Variants in SCUBE1 observed in about 807,000 individuals in gnomAD.
SCUBE1 encodes signal peptide, CUB domain and EGF like domain containing 1.
A neutral mutation model predicts 124.4 loss-of-function variants in SCUBE1; 59 were observed. The observed-to-expected ratio is 0.47, with a 90% CI of 0.38 to 0.59. SCUBE1 has a LOEUF of 0.59. Ranked by LOEUF, SCUBE1 falls within the 20% of genes least tolerant of loss-of-function variation. SCUBE1 has a pLI of 0.00. For missense variants in SCUBE1, 1,150 were observed against 1,371.2 expected, an observed-to-expected ratio of 0.84 and a Z score of 2.55; for synonymous variants, 545 against 550.9, an observed-to-expected ratio of 0.99 and a Z score of 0.15.
At position 43,208,165 on chromosome 22, in the gene SCUBE1, AG is replaced by A; in HGVS notation, c.2640del (p.Phe881SerfsTer38). ...ETCQTYERPIAFTSRSRKLWI... is the reference protein window; with the variant it reads ...ETCQTYERPIXFTSRSRKLWI... ...CAGAGCTTGCGGGAGCGGGAGGTGA[AG>A]GCGATGGGCCTCTCGTAGGTCTGGC... is the stretch of plus-strand genomic sequence containing the variant. On this transcript the variant is annotated frameshift_variant, in exon 20 of 22. Transcript: ENST00000360835. LOFTEE classifies it high-confidence loss of function. The A allele has an allele frequency of 6.2e-7, 1 of 1,614,118 alleles. No homozygotes were observed. The highest frequency in any genetic ancestry group is 8.5e-7 in the Non-Finnish European group (1 of 1,180,018).
intron 15 of SCUBE1, among the ~76,000 whole-genome samples, chr22:43,217,404 G>A (rs1221997993): frequency 6.6e-6 from 1 of 151,536 alleles, no homozygotes; most frequent in Non-Finnish European, 1.5e-5. Flanking sequence ...CCGGCGTCAG[G>A]AAGCGATACC....
chr22:43,281,490 C>CCACCCTCCTGTCACCTCCCTCAGT (rs1924870624), intron 4 of SCUBE1, among the ~76,000 whole-genome samples: 1 of 112,572 alleles, frequency 8.9e-6, no homozygotes, highest in Admixed American at 8.3e-5. Context: ...CCCTCTTTGG[C>CCACCCTCCTGTCACCTCCCTCAGT]CACCCTCCTG....
rs1924867518 is a variant in SCUBE1 at position 43,281,485 on chromosome 22, T to TCACCC, written c.484+9560_484+9561insGGGTG. The stretch of plus-strand genomic sequence containing the variant: ...CAGCCACCCTCCTGTCACCTCCCTC[T>TCACCC]TTGGCCACCCTCCTGTCACCTCCTC... On this transcript the variant is annotated intron_variant, in intron 4 of 21. Coordinates refer to ENST00000360835, the MANE Select transcript of SCUBE1 (RefSeq NM_173050.5). Among the ~76,000 whole-genome samples, 13 of 70,372 alleles carry TCACCC rather than the reference T, an allele frequency of 1.8e-4. No individual in the cohort carries two copies. The African/African-American group carries it at 2.1e-3, about 12-fold the overall frequency. 46.2% of individuals were successfully genotyped at this position (70,372 alleles called of 152,430 possible). A position where few individuals can be genotyped will look rare whatever the true frequency, so the allele number is the denominator to read the frequency against.
Position 43,207,633 on chromosome 22 carries a change from G to A in SCUBE1, c.2735-20C>T, listed in dbSNP as rs201014165. 2.5e-6 allele frequency: 4 copies of A among 1,607,310 alleles called. No individual in the cohort carries two copies. The highest frequency in any genetic ancestry group is 3.4e-6 in the Non-Finnish European group (4 of 1,174,178). On this transcript the variant is annotated intron_variant, in intron 20 of 21. Coordinates refer to ENST00000360835, the MANE Select transcript of SCUBE1 (RefSeq NM_173050.5). Reference sequence around the variant, plus strand: ...AGTCCTCTGGGCAGCGGGTCAGCAGGGGGAGAGGAAGGCGAGGGGCTTGAG... The same window carrying A: ...AGTCCTCTGGGCAGCGGGTCAGCAGAGGGAGAGGAAGGCGAGGGGCTTGAG...
At chr22:43,333,977 G>A (rs991991389) in intron 2 of SCUBE1, among the ~76,000 whole-genome samples, 3 of 152,312 alleles carry the variant, frequency 2.0e-5, no homozygotes, top group East Asian at 1.9e-4. Flanking sequence ...CCATGTCCTC[G>A]GGGCATGCTC....
rs1023006995 is a variant in SCUBE1, at chr22:43,210,614, C to G, written c.2383+308G>C. On this transcript the variant is annotated intron_variant, in intron 18 of 21. Transcript: ENST00000360835. This position sits in a 1 kb window ranked among gnomAD's most constrained non-coding sequence, Gnocchi z 4.5. The stretch of plus-strand genomic sequence containing the variant: ...AGTGCCCCTGTAGGCTGTCAGCCCC[C>G]CCAGCAGACCCAGAAACTAGAGCAG... Among the ~76,000 whole-genome samples, 5 of 152,346 alleles carry G rather than the reference C, an allele frequency of 3.3e-5. No individual in the cohort carries two copies. In the East Asian group the frequency reaches 7.7e-4, roughly 24 times the overall value.
At chr22:43,320,422 T>A (rs1926504996) in intron 2 of SCUBE1, among the ~76,000 whole-genome samples, 1 of 152,210 alleles carries the variant, frequency 6.6e-6, no homozygotes, top group Non-Finnish European at 1.5e-5. Context: ...ACTCCTCCAG[T>A]GTCTTTCCAC....
At chr22:43,207,667 G>C in intron 20 of SCUBE1, 54 bp from the exon 21 acceptor site, 1 of 1,391,028 alleles carries the variant, frequency 7.2e-7, no homozygotes, top group Non-Finnish European at 1.0e-6. Flanking sequence ...AGGCCCACGT[G>C]CTCCCCTTTC....
At chr22:43,222,361 C>A (rs1287473320) in intron 12 of SCUBE1, among the ~76,000 whole-genome samples, 1 of 152,236 alleles carries the variant, frequency 6.6e-6, no homozygotes, top group African/African-American at 2.4e-5. Flanking sequence ...GATCTGTGCA[C>A]TCACAGCACG....
At chr22:43,322,111 A>C (rs1180847966) in intron 2 of SCUBE1, among the ~76,000 whole-genome samples, 1 of 152,044 alleles carries the variant, frequency 6.6e-6, no homozygotes, top group Non-Finnish European at 1.5e-5. Flanking sequence ...CAGCCTCCCA[A>C]GTAGCTGGAC....
intron 4 of SCUBE1, among the ~76,000 whole-genome samples, chr22:43,281,488 G>A (rs868019405): frequency 0.011 from 787 of 72,458 alleles, 90 homozygotes; most frequent in African/African-American, 0.08. Flanking sequence ...CTCCCTCTTT[G>A]GCCACCCTCC....
At chr22:43,209,121 C>T (rs34782724) in intron 19 of SCUBE1, among the ~76,000 whole-genome samples, 5,990 of 152,302 alleles carry the variant, frequency 0.039, 146 homozygotes, top group South Asian at 0.058. Context: ...TGCTGACATC[C>T]GTCTACTCAT....
At chr22:43,215,899 G>A (rs1921788616) in intron 15 of SCUBE1, among the ~76,000 whole-genome samples, 2 of 148,482 alleles carry the variant, frequency 1.3e-5, no homozygotes, top group South Asian at 4.3e-4. Flanking sequence ...ACTCACACAT[G>A]CATGCACACT....
chr22:43,199,814 A>C lies in SCUBE1; in HGVS notation c.*4183T>G, dbSNP rs1601786079. 6.4e-6 allele frequency: 1 copy of C among 155,230 alleles called. No homozygotes were observed. The highest frequency in any genetic ancestry group is 1.8e-4 in the South Asian group (1 of 5,674). 9.6% of individuals were successfully genotyped at this position (155,230 alleles called of 1,614,324 possible). On this transcript the variant is annotated 3_prime_UTR_variant, in exon 22 of 22. Coordinates refer to ENST00000360835, the MANE Select transcript of SCUBE1 (RefSeq NM_173050.5). ...GGCTCTGGCGCGGGGAAAGATGGGGAGAGGCTCTGGCATGGGGAAGGACTG... is the reference window on the plus strand; with the variant it reads ...GGCTCTGGCGCGGGGAAAGATGGGGCGAGGCTCTGGCATGGGGAAGGACTG...
intron 4 of SCUBE1, among the ~76,000 whole-genome samples, chr22:43,288,377 G>A (rs1925228240): frequency 6.6e-6 from 1 of 152,058 alleles, no homozygotes. Context: ...TCTCCCCTAA[G>A]CATCACTTCC....
At chr22:43,307,014 C>A (rs915973331) in intron 3 of SCUBE1, among the ~76,000 whole-genome samples, 3 of 152,238 alleles carry the variant, frequency 2.0e-5, no homozygotes, top group African/African-American at 7.2e-5. Context: ...GGGTCAGAAT[C>A]CAACATTCTA....
chr22:43,260,205 A>T (rs1386543028), intron 5 of SCUBE1, among the ~76,000 whole-genome samples: 1 of 152,188 alleles, frequency 6.6e-6, no homozygotes, highest in Non-Finnish European at 1.5e-5. Context: ...GACTCTAATG[A>T]GGATGGAGGC....
intron 16 of SCUBE1, chr22:43,213,501 G>A (rs572216819): frequency 1.3e-5 from 2 of 152,406 alleles, no homozygotes; most frequent in East Asian, 3.9e-4. Context: ...GGCCTGGGAA[G>A]AAAGGCTCAT....
intron 2 of SCUBE1, among the ~76,000 whole-genome samples, chr22:43,329,209 ACT>A (rs1169086968): frequency 6.6e-6 from 1 of 152,096 alleles, no homozygotes; most frequent in Non-Finnish European, 1.5e-5. Context: ...ATGCCCACAA[ACT>A]CTCGTGCTCC....
Sources: allele counts gnomAD v4.1 joint callset (sites outside exome capture counted in the v4.1 genomes callset), GRCh38; gene constraint gnomAD v4.1.1; non-coding constraint Gnocchi (gnomAD v3.1); transcripts MANE v1.5; gene names NCBI Gene and HGNC (gene_info 2026-07-23, HGNC 2026-07-21).